The following MLLT3 variants were observed in gnomAD, a reference collection of about 807,000 sequenced individuals.
MLLT3 encodes the protein MLLT3 super elongation complex subunit, also known as protein AF-9.
MLLT3 carries 4 observed loss-of-function variants against 53.2 expected under a neutral mutation model. The ratio of observed to expected loss-of-function variants is 0.08; its 90% CI spans 0.04 to 0.17. The LOEUF (loss-of-function observed/expected upper bound fraction) is 0.17. Ranked by LOEUF, MLLT3 falls within the 10% of genes least tolerant of loss-of-function variation. MLLT3 has a pLI of 1.00. For synonymous variants in MLLT3, 283 were observed against 230.6 expected (o/e 1.23, Z -2.06); for missense variants, 569 against 684.0 (o/e 0.83, Z 1.87).
chr9:20,544,341 G>C (rs556595935), intron 2 of MLLT3, among the ~76,000 whole-genome samples: 1 of 152,240 alleles, frequency 6.6e-6, no homozygotes, highest in South Asian at 2.1e-4. Flanking sequence ...AAACTTCCAT[G>C]CAGGAAAAAA....
chr9:20,608,832 C>T (rs544421710), intron 2 of MLLT3, among the ~76,000 whole-genome samples: 1 of 152,052 alleles, frequency 6.6e-6, no homozygotes, highest in African/African-American at 2.4e-5. Context: ...AAAAAGCCAA[C>T]GAATTTTACT....
At chr9:20,462,609 C>G (rs1824138155) in intron 2 of MLLT3, among the ~76,000 whole-genome samples, 1 of 152,068 alleles carries the variant, frequency 6.6e-6, no homozygotes. Context: ...GGAGAGCCTT[C>G]TGCCAATACT....
chr9:20,571,865 A>C (rs1041494953), intron 2 of MLLT3, among the ~76,000 whole-genome samples: 4 of 152,256 alleles, frequency 2.6e-5, no homozygotes, highest in African/African-American at 9.6e-5. Flanking sequence ...TGTCAAGAGA[A>C]CAAAAGATAA....
At chr9:20,514,065 G>A (rs1054630617) in intron 2 of MLLT3, among the ~76,000 whole-genome samples, 1 of 152,208 alleles carries the variant, frequency 6.6e-6, no homozygotes, top group Admixed American at 6.5e-5. Context: ...CCCCTAGGGA[G>A]TAAGGGGTTG....
At chr9:20,427,787 A>T (rs938552462) in intron 4 of MLLT3, among the ~76,000 whole-genome samples, 5 of 152,016 alleles carry the variant, frequency 3.3e-5, no homozygotes, top group African/African-American at 4.8e-5. Flanking sequence ...AATTTTTAGG[A>T]ATTTTTTTCA....
At chr9:20,375,193 T>A (rs964923038) in intron 5 of MLLT3, among the ~76,000 whole-genome samples, 5 of 152,204 alleles carry the variant, frequency 3.3e-5, no homozygotes, top group Admixed American at 6.5e-5. Flanking sequence ...GCATTTTAGA[T>A]CAATATTTTT....
At chr9:20,481,733 G>A (rs1269814514) in intron 2 of MLLT3, among the ~76,000 whole-genome samples, 3 of 152,132 alleles carry the variant, frequency 2.0e-5, no homozygotes, top group Admixed American at 1.3e-4. Flanking sequence ...CCACTTCTTA[G>A]GAATGGAGCA....
At chr9:20,619,531 C>A (rs188311627) in intron 2 of MLLT3, among the ~76,000 whole-genome samples, 2 of 152,150 alleles carry the variant, frequency 1.3e-5, no homozygotes, top group Admixed American at 1.3e-4. Context: ...CTCTAAGAAA[C>A]GACAGGAGTT....
chr9:20,605,648 T>TAA (rs1587125403), intron 2 of MLLT3, among the ~76,000 whole-genome samples: 2 of 152,064 alleles, frequency 1.3e-5, no homozygotes, highest in East Asian at 3.9e-4. Flanking sequence ...ATCCAGTATT[T>TAA]AACATAATTC....
chr9:20,391,972 A>C (rs1334392585), intron 5 of MLLT3, among the ~76,000 whole-genome samples: 1 of 152,242 alleles, frequency 6.6e-6, no homozygotes, highest in East Asian at 1.9e-4. Flanking sequence ...AAAGAAAAAG[A>C]CAAAACTATA....
At position 20,498,227 on chromosome 9, in the gene MLLT3, C is replaced by CAAAAAAAAAAAAAAAAAAAAAAAA. The variant is rs529049653; in HGVS notation, c.194-41465_194-41442dup. Among the ~76,000 whole-genome samples the CAAAAAAAAAAAAAAAAAAAAAAAA allele has an allele frequency of 9.2e-5, 3 of 32,518 alleles. 1 individual carries two copies. Among genetic ancestry groups the CAAAAAAAAAAAAAAAAAAAAAAAA allele is most frequent in the Non-Finnish European group, 2.0e-4 (3 of 15,340 alleles). 21.3% of individuals were successfully genotyped at this position (32,518 alleles called of 152,430 possible). ...TAGGTGACAGAGCGAGACGCTGTCT[C>CAAAAAAAAAAAAAAAAAAAAAAAA]AAAAAAAAAAAAAAAAAAAAAAAAA... On this transcript the variant is annotated intron_variant, in intron 2 of 10. Transcript: ENST00000380338.
At chr9:20,380,732 T>A (rs1160126804) in intron 5 of MLLT3, among the ~76,000 whole-genome samples, 1 of 152,054 alleles carries the variant, frequency 6.6e-6, no homozygotes, top group Non-Finnish European at 1.5e-5. Context: ...CTTAATTTCA[T>A]CTGACTTAAA....
At chr9:20,590,476 G>C (rs1820100998) in intron 2 of MLLT3, among the ~76,000 whole-genome samples, 1 of 152,178 alleles carries the variant, frequency 6.6e-6, no homozygotes, top group African/African-American at 2.4e-5. Flanking sequence ...GTTCTCACGG[G>C]AATTTATGAT....
At chr9:20,535,391 T>C (rs1818455284) in intron 2 of MLLT3, among the ~76,000 whole-genome samples, 1 of 152,058 alleles carries the variant, frequency 6.6e-6, no homozygotes, top group South Asian at 2.1e-4. Context: ...TGTTTTTCCA[T>C]CACATAATGT....
chr9:20,376,592 G>A (rs1586902652), intron 5 of MLLT3, among the ~76,000 whole-genome samples: 1 of 152,106 alleles, frequency 6.6e-6, no homozygotes, highest in African/African-American at 2.4e-5. Context: ...CTACTTGTCT[G>A]AGAATAGAAA....
chr9:20,449,323 A>T (rs1823784369), intron 3 of MLLT3, among the ~76,000 whole-genome samples: 1 of 152,188 alleles, frequency 6.6e-6, no homozygotes, highest in South Asian at 2.1e-4. Flanking sequence ...ATAAGAATGG[A>T]ATTTTTCTGA....
intron 2 of MLLT3, among the ~76,000 whole-genome samples, chr9:20,462,575 G>A (rs546486648): frequency 1.3e-5 from 2 of 151,804 alleles, no homozygotes; most frequent in Non-Finnish European, 2.9e-5. Context: ...ACCACTCAAG[G>A]CCTGACTCAA....
chr9:20,395,099 G>A (rs1822288441), intron 5 of MLLT3, among the ~76,000 whole-genome samples: 1 of 152,138 alleles, frequency 6.6e-6, no homozygotes, highest in Admixed American at 6.6e-5. Flanking sequence ...AACAGATGGA[G>A]CAAATGAATT....
At chr9:20,398,279 T>A (rs1292713007) in intron 5 of MLLT3, among the ~76,000 whole-genome samples, 1 of 151,896 alleles carries the variant, frequency 6.6e-6, no homozygotes, top group Non-Finnish European at 1.5e-5. Flanking sequence ...GAGTCTCCCT[T>A]TGTTGTCCAG....
Sources: gnomAD v4.1 joint callset for allele counts (sites outside exome capture counted in the v4.1 genomes callset) on GRCh38, gnomAD v4.1.1 for gene constraint, MANE v1.5 for transcripts, NCBI Gene and HGNC (gene_info 2026-07-23, HGNC 2026-07-21) for gene names.